POLA1: variants seen among roughly 807,000 people sequenced by gnomAD.
POLA1 encodes DNA polymerase alpha 1, catalytic subunit.
POLA1 carries 15 observed loss-of-function variants against 124.0 expected under a neutral mutation model. That is an observed-to-expected ratio of 0.12 (90% CI 0.08 to 0.19). The LOEUF is 0.19. Ranked by LOEUF, POLA1 falls within the 10% of genes least tolerant of loss-of-function variation. The probability of loss-of-function intolerance (pLI) is 1.00; values close to 1 mark genes in which losing one functional copy is unlikely to be tolerated. For missense variants in POLA1, 886 were observed against 1,103.4 expected (o/e 0.80, Z 2.79); for synonymous variants, 408 against 389.4 (o/e 1.05, Z -0.56).
At chrX:24,728,432 G>A (rs1346261326) in intron 15 of POLA1, among the ~76,000 whole-genome samples, 4 of 111,821 alleles carry the variant, frequency 3.6e-5, no homozygotes, top group Non-Finnish European at 7.5e-5. Flanking sequence ...AAAATACCCA[G>A]TCCATACTTA....
chrX:24,812,954 C>T, intron 29 of POLA1, 91 bp downstream of exon 29: 2 of 445,460 alleles, frequency 4.5e-6, no homozygotes, highest in Middle Eastern at 5.7e-4. Context: ...TCTGTCAAGC[C>T]CAAGAACACT....
At chrX:24,865,457 A>G (rs2046781638) in intron 34 of POLA1, among the ~76,000 whole-genome samples, 1 of 112,085 alleles carries the variant, frequency 8.9e-6, no homozygotes, top group Non-Finnish European at 1.9e-5. Context: ...TGTTGATTCC[A>G]ACATTCACTG....
chrX:24,856,427 G>A (rs779408803), intron 34 of POLA1, among the ~76,000 whole-genome samples: 23 of 112,034 alleles, frequency 2.1e-4, no homozygotes, highest in Non-Finnish European at 3.9e-4. Flanking sequence ...CCAGTCTGGG[G>A]AAATTATGAG....
At chrX:24,835,359 C>T (rs2046328315) in intron 32 of POLA1, among the ~76,000 whole-genome samples, 1 of 111,200 alleles carries the variant, frequency 9.0e-6, no homozygotes, top group South Asian at 3.8e-4. Flanking sequence ...GCCCATTTTG[C>T]ATTTCTAAAA....
chrX:24,710,617 A>C (rs903478031), intron 4 of POLA1, among the ~76,000 whole-genome samples: 1 of 109,605 alleles, frequency 9.1e-6, no homozygotes, highest in African/African-American at 3.3e-5. Flanking sequence ...GCCTGCTTTC[A>C]ATTTTTTAGG....
chrX:24,887,254 A>C lies in POLA1; in HGVS notation c.4048-752A>C, dbSNP rs773416996. 3.6e-5 allele frequency among the ~76,000 whole-genome samples: 4 copies of C among 112,215 alleles called. No individual in the cohort carries two copies. In the Admixed American group the frequency reaches 3.8e-4, roughly 11 times the overall value. ...ATCACATCACTATGAGAAAATTCAA[A>C]CAAGATCAGCAAGGGAGAGTAACTG... On this transcript the variant is annotated intron_variant, in intron 34 of 36. Coordinates refer to ENST00000379068, the MANE Select transcript of POLA1 (RefSeq NM_001330360.2).
chrX:24,891,062 G>T (rs759458204), intron 35 of POLA1, among the ~76,000 whole-genome samples: 34 of 112,504 alleles, frequency 3.0e-4, no homozygotes, highest in Non-Finnish European at 5.4e-4. Flanking sequence ...TAAAAGGTTA[G>T]TCTATAATCT....
intron 8 of POLA1, 65 bp from the exon 9 acceptor site, chrX:24,717,225 G>A (rs11573325): frequency 2.0e-4 from 183 of 923,367 alleles, no homozygotes; most frequent in Middle Eastern, 1.9e-3. Context: ...GCGCCTTTGT[G>A]TGCCTTTGTG....
intron 36 of POLA1, among the ~76,000 whole-genome samples, chrX:24,973,693 C>T (rs1390338706): frequency 8.9e-6 from 1 of 112,121 alleles, no homozygotes; most frequent in Non-Finnish European, 1.9e-5. Flanking sequence ...GAACTGGGCT[C>T]TCCATAATCC....
In POLA1 at chrX:24,974,810, T is replaced by G. The variant is rs72623021; in HGVS notation, c.4262-20995T>G. 7.5e-4 allele frequency among the ~76,000 whole-genome samples: 84 copies of G among 112,040 alleles called. 1 individual carries two copies. The East Asian group carries it at 0.018, about 24-fold the overall frequency. The stretch of plus-strand genomic sequence containing the variant: ...CGTTCTGCACATGTATCCCAGAACT[T>G]AAAAAAGAAAACAAAGAAACCCTAA... On this transcript the variant is annotated intron_variant, in intron 36 of 36. Transcript: ENST00000379068.
intron 35 of POLA1, among the ~76,000 whole-genome samples, chrX:24,890,806 A>G (rs925081036): frequency 8.9e-6 from 1 of 112,252 alleles, no homozygotes; most frequent in Non-Finnish European, 1.9e-5. Context: ...GCTGTCATTG[A>G]ATTATTTTTA....
intron 36 of POLA1, among the ~76,000 whole-genome samples, chrX:24,956,399 T>C (rs1242386942): frequency 9.1e-6 from 1 of 109,881 alleles, no homozygotes; most frequent in Non-Finnish European, 1.9e-5. Context: ...GTAACTTCAT[T>C]GTTAGAAACA....
In POLA1 at chrX:24,929,916, A is replaced by G. The variant is rs11573484; in HGVS notation, c.4165-537A>G. 9.9e-3 allele frequency among the ~76,000 whole-genome samples: 1,108 copies of G among 111,934 alleles called. 17 individuals are homozygous for G. The highest frequency in any genetic ancestry group is 0.034 in the African/African-American group (1,053 of 30,751). ...TCATTTCACATGGTACTTCTCAGAG[A>G]TCATACGTTGCCCACTTAGGATTAC... On this transcript the variant is annotated intron_variant, in intron 35 of 36. Coordinates refer to ENST00000379068, the MANE Select transcript of POLA1 (RefSeq NM_001330360.2).
intron 36 of POLA1, among the ~76,000 whole-genome samples, chrX:24,931,177 G>A (rs1236430662): frequency 9.4e-6 from 1 of 106,276 alleles, no homozygotes; most frequent in East Asian, 2.8e-4. Context: ...ACAACTGCAT[G>A]TTTGTTTTTT....
At chrX:24,833,134 C>T (rs2046290841) in intron 32 of POLA1, among the ~76,000 whole-genome samples, 1 of 111,052 alleles carries the variant, frequency 9.0e-6, no homozygotes, top group African/African-American at 3.3e-5. Context: ...GCTTAGCTCC[C>T]ACTTATGAGT....
At chrX:24,736,723 C>T (rs140673012) in intron 18 of POLA1, among the ~76,000 whole-genome samples, 45 of 111,805 alleles carry the variant, frequency 4.0e-4, no homozygotes, top group African/African-American at 1.4e-3. Context: ...GTATTAACTA[C>T]ACTCATAATG....
intron 22 of POLA1, 53 bp from the exon 23 acceptor site, chrX:24,743,177 A>G: frequency 1.6e-6 from 1 of 627,816 alleles, no homozygotes; most frequent in East Asian, 3.5e-5. Context: ...TCAAAATTTT[A>G]AATTAGTTAA....
intron 34 of POLA1, among the ~76,000 whole-genome samples, chrX:24,856,373 G>GT (rs1471794648): frequency 8.9e-6 from 1 of 112,042 alleles, no homozygotes; most frequent in Non-Finnish European, 1.9e-5. Context: ...GGATCTGTCA[G>GT]TTTGTTTGAT....
intron 36 of POLA1, among the ~76,000 whole-genome samples, chrX:24,966,131 T>C (rs2048219599): frequency 8.9e-6 from 1 of 112,601 alleles, no homozygotes; most frequent in African/African-American, 3.2e-5. Context: ...TTTGAAAAAC[T>C]AGCAACTCTG....
Sources: allele counts gnomAD v4.1 joint callset (sites outside exome capture counted in the v4.1 genomes callset), GRCh38; gene constraint gnomAD v4.1.1; transcripts MANE v1.5; gene names NCBI Gene and HGNC (gene_info 2026-07-23, HGNC 2026-07-21).